The following KCNH1 variants were observed in gnomAD, a reference collection of about 807,000 sequenced individuals.
KCNH1 encodes voltage-gated delayed rectifier potassium channel KCNH1.
A neutral mutation model predicts 69.2 loss-of-function variants in KCNH1; 27 were observed. The observed-to-expected ratio is 0.39, with a 90% CI of 0.29 to 0.54. The LOEUF (loss-of-function observed/expected upper bound fraction) is 0.54. KCNH1 is among the 20% of genes least tolerant of loss of function. The pLI, the probability that KCNH1 is intolerant of heterozygous loss-of-function variation, is 0.68. For missense variants in KCNH1, 798 were observed against 1,261.6 expected (o/e 0.63, Z 5.57); for synonymous variants, 456 against 487.7 (o/e 0.93, Z 0.86).
At chr1:210,876,704 G>T (rs1025085972) in intron 7 of KCNH1, among the ~76,000 whole-genome samples, 1 of 152,026 alleles carries the variant, frequency 6.6e-6, no homozygotes, top group African/African-American at 2.4e-5. Flanking sequence ...AGCTGAAGAG[G>T]AAACCAGTGC....
chr1:210,693,241 C>A (rs12410100), intron 10 of KCNH1, among the ~76,000 whole-genome samples: 1,625 of 152,314 alleles, frequency 0.011, 52 homozygotes, highest in East Asian at 0.059. Flanking sequence ...GAGAAGCCCC[C>A]CTCCCTTCAC....
intron 10 of KCNH1, among the ~76,000 whole-genome samples, chr1:210,743,561 C>T (rs938464286): frequency 3.9e-5 from 6 of 152,114 alleles, no homozygotes; most frequent in African/African-American, 1.2e-4. Flanking sequence ...CCAGGGTGAC[C>T]GCATGGAAGT....
At position 211,071,203 on chromosome 1, in the gene KCNH1, G is replaced by T. The variant is rs149051542; in HGVS notation, c.558+11577C>A. Among the ~76,000 whole-genome samples the T allele has an allele frequency of 1.5e-3, 235 of 152,216 alleles. 1 individual carries two copies. The highest frequency in any genetic ancestry group is 5.5e-3 in the African/African-American group (229 of 41,540). ...CAATATGAATAGTCTGTCTGAAATG[G>T]CAGGCAACCGCAGCTGCAGACCCCA... is the stretch of plus-strand genomic sequence containing the variant. On this transcript the variant is annotated intron_variant, in intron 5 of 10. Transcript: ENST00000271751.
At chr1:210,687,792 TA>T (rs761278271) in intron 10 of KCNH1, among the ~76,000 whole-genome samples, 66 of 152,280 alleles carry the variant, frequency 4.3e-4, no homozygotes, top group Admixed American at 7.8e-4. Flanking sequence ...GGAGTGGTTG[TA>T]TGACTCATGA....
chr1:211,133,788 G>T lies in KCNH1; in HGVS notation c.79+79C>A. On this transcript the variant is annotated intron_variant, in intron 1 of 10. Transcript: ENST00000271751. The surrounding 1 kb of genome is among the most constrained non-coding windows in gnomAD (Gnocchi z 5.4). ...GCTCGCGGGTTCTGCTGCATCTGCT[G>T]GCTCCGAGCGGCGAGAGGTTCTGCA... The T allele has an allele frequency of 7.4e-7, 1 of 1,345,374 alleles. No homozygotes were observed. The highest frequency in any genetic ancestry group is 1.1e-6 in the Non-Finnish European group (1 of 947,122). 83.3% of individuals were successfully genotyped at this position (1,345,374 alleles called of 1,614,324 possible). A position where few individuals can be genotyped will look rare whatever the true frequency, so the allele number is the denominator to read the frequency against.
At chr1:210,748,118 C>T (rs1485166641) in intron 10 of KCNH1, among the ~76,000 whole-genome samples, 1 of 152,142 alleles carries the variant, frequency 6.6e-6, no homozygotes, top group Non-Finnish European at 1.5e-5. Flanking sequence ...AGGCCAGGTC[C>T]CAGGGTGATG....
At chr1:210,935,651 A>T (rs1372355700) in intron 6 of KCNH1, among the ~76,000 whole-genome samples, 1 of 152,236 alleles carries the variant, frequency 6.6e-6, no homozygotes, top group Non-Finnish European at 1.5e-5. Context: ...AAATAATGTT[A>T]AAAGAAAACC....
At chr1:210,750,494 G>T (rs868356247) in intron 10 of KCNH1, among the ~76,000 whole-genome samples, 20 of 152,014 alleles carry the variant, frequency 1.3e-4, no homozygotes, top group Non-Finnish European at 1.8e-4. Context: ...CATAATTTTG[G>T]GTCTGGTAGA....
chr1:210,975,198 G>C (rs1186854073), intron 6 of KCNH1, among the ~76,000 whole-genome samples: 1 of 152,070 alleles, frequency 6.6e-6, no homozygotes, highest in East Asian at 1.9e-4. Context: ...TTATTTTGCT[G>C]TCATTTATGA....
At chr1:211,044,899 T>A (rs1388107499) in intron 5 of KCNH1, among the ~76,000 whole-genome samples, 1 of 151,828 alleles carries the variant, frequency 6.6e-6, no homozygotes, top group African/African-American at 2.4e-5. Context: ...ATCCCACTAC[T>A]GGTTATCTAC....
chr1:210,869,884 C>A (rs902334340), intron 7 of KCNH1, among the ~76,000 whole-genome samples: 3 of 152,068 alleles, frequency 2.0e-5, no homozygotes, highest in Admixed American at 1.3e-4. Flanking sequence ...CTGGCTTGTG[C>A]AATTTCAGCC....
At chr1:210,758,912 C>T (rs1185835883) in intron 10 of KCNH1, among the ~76,000 whole-genome samples, 2 of 152,094 alleles carry the variant, frequency 1.3e-5, no homozygotes, top group Non-Finnish European at 2.9e-5. Flanking sequence ...TACTCTTAAG[C>T]CACTTACTGG....
intron 9 of KCNH1, among the ~76,000 whole-genome samples, chr1:210,790,028 T>C (rs1684182857): frequency 6.6e-6 from 1 of 152,200 alleles, no homozygotes; most frequent in Non-Finnish European, 1.5e-5. Context: ...TCCTCAGCCT[T>C]CTGAGGCCTC....
At chr1:211,023,158 AT>A (rs1558571760) in intron 5 of KCNH1, among the ~76,000 whole-genome samples, 2 of 97,838 alleles carry the variant, frequency 2.0e-5, no homozygotes, top group African/African-American at 3.8e-5. Flanking sequence ...AAATAAATAA[AT>A]AAATTAAAAA....
intron 5 of KCNH1, among the ~76,000 whole-genome samples, chr1:211,055,209 C>T: frequency 6.6e-6 from 1 of 152,188 alleles, no homozygotes; most frequent in Non-Finnish European, 1.5e-5. Flanking sequence ...CTCCCCTATC[C>T]CCAGCAATGG....
At chr1:210,838,967 T>A (rs1340821261) in intron 7 of KCNH1, among the ~76,000 whole-genome samples, 1 of 152,150 alleles carries the variant, frequency 6.6e-6, no homozygotes, top group Non-Finnish European at 1.5e-5. Context: ...GGTGGGAGTG[T>A]AAATTAGTTC....
At chr1:211,113,935 G>GTCTCTCTCTCTCTCTCTGTCTC (rs1691516866) in intron 1 of KCNH1, among the ~76,000 whole-genome samples, 2 of 139,790 alleles carry the variant, frequency 1.4e-5, no homozygotes, top group African/African-American at 5.5e-5. Flanking sequence ...ATTAGATCAA[G>GTCTCTCTCTCTCTCTCTGTCTC]TCTCTCTCTC....
At chr1:210,865,056 T>C (rs1024237937) in intron 7 of KCNH1, among the ~76,000 whole-genome samples, 2 of 152,232 alleles carry the variant, frequency 1.3e-5, no homozygotes, top group Non-Finnish European at 2.9e-5. Context: ...ATAATGTGAC[T>C]TCTGCCATAG....
intron 6 of KCNH1, among the ~76,000 whole-genome samples, chr1:211,003,033 T>TTTTGTTTG (rs61680039): frequency 0.015 from 2,243 of 151,246 alleles, 58 homozygotes; most frequent in Admixed American, 0.061. Flanking sequence ...TAAGAATGTT[T>TTTTGTTTG]TTTGTTTGTT....
Sources: allele counts gnomAD v4.1 joint callset (sites outside exome capture counted in the v4.1 genomes callset), GRCh38; gene constraint gnomAD v4.1.1; non-coding constraint Gnocchi (gnomAD v3.1); transcripts MANE v1.5; gene names NCBI Gene and HGNC (gene_info 2026-07-23, HGNC 2026-07-21).